Variants in TPO observed in about 807,000 individuals in gnomAD.
TPO encodes thyroid peroxidase.
In TPO, 78 loss-of-function variants were observed where a neutral mutation model predicts 96.9. The ratio of observed to expected loss-of-function variants is 0.81; its 90% confidence interval spans 0.67 to 0.97. The LOEUF is 0.97. Among genes scored for constraint, TPO ranks in the 50% least tolerant of loss-of-function variants. TPO has a pLI of 0.00. For synonymous variants in TPO, 547 were observed against 538.0 expected (o/e 1.02, Z -0.23); for missense variants, 1,252 against 1,274.8 (o/e 0.98, Z 0.27).
At chr2:1,439,128 G>C (rs1665903352) in intron 5 of TPO, 3 of 385,654 alleles carry the variant, frequency 7.8e-6, no homozygotes, top group Middle Eastern at 7.4e-4. Context: ...GTTCCTGCTC[G>C]GCCCTTCTGA....
At chr2:1,390,438 A>G (rs550546525) in intron 1 of TPO, among the ~76,000 whole-genome samples, 1 of 152,310 alleles carries the variant, frequency 6.6e-6, no homozygotes, top group Admixed American at 6.5e-5. Flanking sequence ...ATTGATGGAC[A>G]TTCGGGTTGG....
intron 16 of TPO, chr2:1,542,210 G>T: frequency 1.5e-6 from 1 of 662,294 alleles, no homozygotes; most frequent in East Asian, 2.7e-5. Flanking sequence ...CCTTTGCCAC[G>T]TGGATCCTCT....
intron 2 of TPO, 100 bp from the exon 3 acceptor site, chr2:1,422,945 G>A: frequency 7.6e-7 from 1 of 1,320,888 alleles, no homozygotes; most frequent in Non-Finnish European, 1.1e-6. Context: ...AAGCCACGTG[G>A]GCATCACCGC....
At chr2:1,538,130 T>G (rs150240265) in intron 15 of TPO, among the ~76,000 whole-genome samples, 4 of 105,428 alleles carry the variant, frequency 3.8e-5, no homozygotes, top group African/African-American at 1.1e-4. Context: ...CGCACTGTGT[T>G]CAACCTTCTC....
At chr2:1,541,224 C>T in intron 16 of TPO, 1 of 1,125,810 alleles carries the variant, frequency 8.9e-7, no homozygotes, top group Admixed American at 4.2e-5. Context: ...AGAACAGTGG[C>T]CTCCAGAGGG....
At chr2:1,383,959 G>A (rs546994383) in intron 1 of TPO, among the ~76,000 whole-genome samples, 26 of 152,214 alleles carry the variant, frequency 1.7e-4, no homozygotes, top group East Asian at 9.6e-4. Flanking sequence ...TCCCAGCACC[G>A]TTTGTTAAAT....
chr2:1,507,445 A>G (rs1673590899), intron 14 of TPO, among the ~76,000 whole-genome samples: 1 of 152,110 alleles, frequency 6.6e-6, no homozygotes, highest in South Asian at 2.1e-4. Flanking sequence ...CTTGATGGGG[A>G]TGGCATTGAA....
chr2:1,396,051 A>C (rs373867585), intron 1 of TPO, among the ~76,000 whole-genome samples: 10 of 152,334 alleles, frequency 6.6e-5, no homozygotes, highest in African/African-American at 2.4e-4. Flanking sequence ...CATAATCCAG[A>C]TGCTTCCTGT....
intron 8 of TPO, chr2:1,478,412 G>A (rs1460573686): frequency 7.1e-6 from 7 of 984,030 alleles, no homozygotes; most frequent in Admixed American, 6.2e-5. Context: ...AGGGAGGTGC[G>A]CGTCAGTCCT....
At position 1,414,488 on chromosome 2, in the gene TPO, A is replaced by C. The variant is rs1172049371; in HGVS notation, c.80A>C (p.Lys27Thr). Residue 27 changes from lysine (K) to threonine (T), a missense_variant, in exon 2 of 17, where the codon AAA (lysine) becomes ACA (threonine). Physicochemically the swap from Lys to Thr is moderately conservative, Grantham distance 78 (BLOSUM62 -1). Coordinates refer to ENST00000329066, the MANE Select transcript of TPO (RefSeq NM_001206744.2). ...TTCTTCCCCTTCATCTCGAGAGGGAAAGAACTCCTTTGGGGTAAGTAGCAA... is the reference window on the plus strand; with the variant it reads ...TTCTTCCCCTTCATCTCGAGAGGGACAGAACTCCTTTGGGGTAAGTAGCAA... ...EAFFPFISRGKELLWGKPEES... is the reference protein window; with the variant it reads ...EAFFPFISRGTELLWGKPEES... 1 of 1,614,020 alleles carries C rather than the reference A, an allele frequency of 6.2e-7. No homozygotes were observed. Among genetic ancestry groups the C allele is most frequent in the Non-Finnish European group, 8.5e-7 (1 of 1,179,956 alleles).
Position 1,477,453 on chromosome 2 carries a change from G to C in TPO, c.1187G>C (p.Arg396Pro). ...RGPCFLAGDGRASEVPSLTAL... is the reference protein window; with the variant it reads ...RGPCFLAGDGPASEVPSLTAL... The stretch of plus-strand genomic sequence containing the variant: ...CCCTGCTTCCTGGCCGGAGACGGCC[G>C]CGCCAGCGAGGTCCCCTCCCTGACG... The change falls in exon 8 of 17, where the codon CGC (arginine) becomes CCC (proline). Residue 396 changes from arginine (R) to proline (P), a missense_variant. Coordinates refer to ENST00000329066, the MANE Select transcript of TPO (RefSeq NM_001206744.2). 1 of 1,524,524 alleles carries C rather than the reference G, an allele frequency of 6.6e-7. No individual in the cohort carries two copies. The allele number at this position is 1,524,524 out of a possible 1,614,324, so 94.4% of individuals were successfully genotyped here.
chr2:1,484,738 A>G lies in TPO; in HGVS notation c.1481A>G (p.His494Arg). 2 of 1,614,000 alleles carry G rather than the reference A, an allele frequency of 1.2e-6. No homozygotes were observed. The highest frequency in any genetic ancestry group is 1.7e-6 in the Non-Finnish European group (2 of 1,179,994). The change falls in exon 9 of 17, where the codon CAT (histidine) becomes CGT (arginine). Residue 494 changes from histidine (H) to arginine (R), a missense_variant. His to Arg is a conservative substitution (Grantham distance 29, BLOSUM62 0). Transcript: ENST00000329066. ...TCCACAGCCGCCTTCCGCTTCGGCC[A>G]TGCCACGATCCACCCGCTGGTGAGG... ...VFSTAAFRFG[H>R]ATIHPLVRRL...
chr2:1,384,382 T>G (rs1661855430), intron 1 of TPO, among the ~76,000 whole-genome samples: 1 of 152,164 alleles, frequency 6.6e-6, no homozygotes. Context: ...CCTCTTTTAT[T>G]TCATTGAGCA....
chr2:1,519,723 A>G lies in TPO; in HGVS notation c.2618+2741A>G, dbSNP rs113398914. Among the ~76,000 whole-genome samples, 382 of 152,344 alleles carry G rather than the reference A, an allele frequency of 2.5e-3. 1 individual carries two copies. The highest frequency in any genetic ancestry group is 4.1e-3 in the Non-Finnish European group (276 of 68,034). On this transcript the variant is annotated intron_variant, in intron 15 of 16. Coordinates refer to ENST00000329066, the MANE Select transcript of TPO (RefSeq NM_001206744.2). Reference sequence around the variant, plus strand: ...GCTGGTTCTGTAATTAGAACTATGAAATGTATAATTGTAACAAAAACTGAT... The same window carrying G: ...GCTGGTTCTGTAATTAGAACTATGAGATGTATAATTGTAACAAAAACTGAT...
Position 1,453,819 on chromosome 2 carries a change from C to T in TPO, c.608C>T (p.Pro203Leu). 6.2e-7 allele frequency: 1 copy of T among 1,613,712 alleles called. No individual in the cohort carries two copies. The highest frequency in any genetic ancestry group is 8.5e-7 in the Non-Finnish European group (1 of 1,180,038). ...TTCTTGTACAACGGGTTCCCACTGCCCCCGGTGGGTACTCAGAACGCTACT... is the reference window on the plus strand; with the variant it reads ...TTCTTGTACAACGGGTTCCCACTGCTCCCGGTGGGTACTCAGAACGCTACT... ...PGFLYNGFPL[P>L]PVREVTRHVI... The change falls in exon 6 of 17, where the codon CCC (proline) becomes CTC (leucine). Residue 203 changes from proline to leucine, a missense_variant. By Grantham distance (98) the Pro-to-Leu change is moderately conservative. Coordinates refer to ENST00000329066, the MANE Select transcript of TPO (RefSeq NM_001206744.2).
chr2:1,422,348 C>CTCGTGCAGCCGCCTCTCCTGGACAGACT (rs1558264332), intron 2 of TPO, among the ~76,000 whole-genome samples: 3 of 98,120 alleles, frequency 3.1e-5, no homozygotes, highest in African/African-American at 1.3e-4. Context: ...CTGGACCGAC[C>CTCGTGCAGCCGCCTCTCCTGGACAGACT]TCGTGCAGGC....
intron 5 of TPO, among the ~76,000 whole-genome samples, chr2:1,441,242 G>A (rs1326364523): frequency 6.6e-6 from 1 of 152,218 alleles, no homozygotes; most frequent in Admixed American, 6.5e-5. Context: ...TACCGTGTTG[G>A]AAGGGAATGG....
intron 1 of TPO, among the ~76,000 whole-genome samples, chr2:1,375,733 T>C (rs1246448960): frequency 6.6e-6 from 1 of 152,074 alleles, no homozygotes; most frequent in Non-Finnish European, 1.5e-5. Flanking sequence ...CGTGTCTACA[T>C]CGTCCTTATG....
rs1268109075 is a variant in TPO, at chr2:1,487,898, G to T, written c.1675G>T (p.Glu559Ter). Residue 559 changes from glutamate to a stop codon, truncating the protein, a stop_gained, in exon 10 of 17, where the codon GAG becomes TAG. Transcript: ENST00000329066. LOFTEE classifies it high-confidence loss of function. ...LQVQDQLMNE[E>*]LTERLFVLSN... ...GGTGCAGGATCAGCTGATGAACGAG[G>T]AGCTGACGGAAAGGCTCTTTGTGCT... 1.2e-6 allele frequency: 2 copies of T among 1,614,210 alleles called. No individual in the cohort carries two copies. Among genetic ancestry groups the T allele is most frequent in the East Asian group, 2.2e-5 (1 of 44,872 alleles).
Sources: allele counts gnomAD v4.1 joint callset (sites outside exome capture counted in the v4.1 genomes callset), GRCh38; gene constraint gnomAD v4.1.1; transcripts MANE v1.5; gene names NCBI Gene and HGNC (gene_info 2026-07-23, HGNC 2026-07-21).